The following PLXNA2 variants were observed in gnomAD, a reference collection of about 807,000 sequenced individuals.
PLXNA2 encodes plexin A2.
PLXNA2 carries 91 observed loss-of-function variants against 193.5 expected under a neutral mutation model. The ratio of observed to expected loss-of-function variants is 0.47; its 90% CI spans 0.40 to 0.56. The LOEUF (loss-of-function observed/expected upper bound fraction) is 0.56. PLXNA2 is among the 20% of genes least tolerant of loss of function. PLXNA2 has a pLI of 0.00. For missense variants in PLXNA2, 1,995 were observed against 2,503.2 expected (o/e 0.80, Z 4.33); for synonymous variants, 997 against 1,027.3 (o/e 0.97, Z 0.56).
At chr1:208,029,244 C>A in intron 29 of PLXNA2, 1 of 1,400,116 alleles carries the variant, frequency 7.1e-7, no homozygotes, top group Non-Finnish European at 9.3e-7. Flanking sequence ...GCACTTTGTA[C>A]CCTAATGGGG....
chr1:208,209,983 ATTTTTTTTTT>A (rs1553297870), intron 3 of PLXNA2: 1 of 87,322 alleles, frequency 1.1e-5, no homozygotes, highest in Admixed American at 1.6e-4. Context: ...ATGAAGAGCA[ATTTTTTTTTT>A]TTTTTTTTTT....
chr1:208,069,333 C>T (rs888486352), intron 12 of PLXNA2, among the ~76,000 whole-genome samples: 22 of 152,280 alleles, frequency 1.4e-4, no homozygotes, highest in Admixed American at 1.2e-3. Flanking sequence ...CCCAGGAGAG[C>T]GCCAGGGCAC....
At chr1:208,138,613 A>G (rs1668372167) in intron 4 of PLXNA2, among the ~76,000 whole-genome samples, 1 of 152,264 alleles carries the variant, frequency 6.6e-6, no homozygotes, top group African/African-American at 2.4e-5. Flanking sequence ...GACCGGGCGC[A>G]GTGGCGCACG....
In PLXNA2 at chr1:208,217,856, C is replaced by G. The variant is rs1485740986; in HGVS notation, c.67G>C (p.Val23Leu). ...VDSRSVVLLS[V>L]VWVLLAPPAA... ...GGGGGGGCCAGCAGCACCCAGACCA[C>G]TGAGAGCAGGACCACAGAGCGGCTG... Residue 23 changes from valine (V) to leucine (L), a missense_variant, in exon 2 of 32, where the codon GTG becomes CTG. Val to Leu is a conservative substitution (Grantham distance 32). This residue lies in a region of PLXNA2 where 702 missense variants were observed against 812.9 expected (regional missense o/e 0.86). Coordinates refer to ENST00000367033, the MANE Select transcript of PLXNA2 (RefSeq NM_025179.4). This position sits in a 1 kb window ranked among gnomAD's most constrained non-coding sequence, Gnocchi z 4.7. The G allele has an allele frequency of 1.2e-6, 2 of 1,613,860 alleles. No homozygotes were observed. The highest frequency in any genetic ancestry group is 1.7e-6 in the Non-Finnish European group (2 of 1,180,022).
At chr1:208,100,609 T>C (rs191158289) in intron 5 of PLXNA2, among the ~76,000 whole-genome samples, 1 of 152,350 alleles carries the variant, frequency 6.6e-6, no homozygotes, top group Admixed American at 6.5e-5. Context: ...GGTGGATTAA[T>C]GGCTATTTGA....
At chr1:208,095,932 A>G (rs1326680000) in intron 8 of PLXNA2, 97 bp downstream of exon 8, 2 of 898,446 alleles carry the variant, frequency 2.2e-6, no homozygotes, top group East Asian at 4.8e-5. Flanking sequence ...AGGTGACTAC[A>G]ACGTGGTTCC....
At position 208,243,755 on chromosome 1, in the gene PLXNA2, G is replaced by A. The variant is rs1406872810; in HGVS notation, c.-193C>T. On this transcript the variant is annotated 5_prime_UTR_variant, in exon 1 of 32. Transcript: ENST00000367033. ...TCCCTGCCCGCAGCTCGGAATCAGGGAGACGACCAAATCCACATGGAGTCC... is the reference window on the plus strand; with the variant it reads ...TCCCTGCCCGCAGCTCGGAATCAGGAAGACGACCAAATCCACATGGAGTCC... 6.6e-6 allele frequency: 1 copy of A among 152,294 alleles called. No homozygotes were observed. Among genetic ancestry groups the A allele is most frequent in the African/African-American group, 2.4e-5 (1 of 41,470 alleles). The allele number at this position is 152,294 out of a possible 1,614,324, so 9.4% of individuals were successfully genotyped here. A position where few individuals can be genotyped will look rare whatever the true frequency, so the allele number is the denominator to read the frequency against.
intron 4 of PLXNA2, among the ~76,000 whole-genome samples, chr1:208,139,794 T>C (rs1275248709): frequency 6.6e-6 from 1 of 152,154 alleles, no homozygotes; most frequent in Non-Finnish European, 1.5e-5. Flanking sequence ...TGTCTGTGAG[T>C]ACTTAACTCA....
intron 1 of PLXNA2, among the ~76,000 whole-genome samples, chr1:208,240,140 C>G (rs1671999468): frequency 6.6e-6 from 1 of 152,236 alleles, no homozygotes; most frequent in Admixed American, 6.5e-5. Context: ...TCCCCTTACA[C>G]TCTTACCCCG....
chr1:208,054,471 C>T lies in PLXNA2; in HGVS notation c.2806G>A (p.Glu936Lys), dbSNP rs770455227. The T allele has an allele frequency of 9.3e-6, 15 of 1,614,108 alleles. No individual in the cohort carries two copies. Among genetic ancestry groups the T allele is most frequent in the East Asian group, 2.2e-5 (1 of 44,896 alleles). ...TTCGTCATGAACTCTGGCTTACACT[C>T]GCCAATACACAGGCGTACTGGCCCG... ...TSGPVRLCIG[E>K]CKPEFMTKSH... The change falls in exon 14 of 32, where the codon GAG becomes AAG. Residue 936 changes from glutamate (E) to lysine (K), a missense_variant. By Grantham distance (56) the Glu-to-Lys change is moderately conservative. Transcript: ENST00000367033.
intron 4 of PLXNA2, among the ~76,000 whole-genome samples, chr1:208,114,182 C>T (rs1667571672): frequency 6.6e-6 from 1 of 152,198 alleles, no homozygotes; most frequent in African/African-American, 2.4e-5. Flanking sequence ...CTAGTTTTTG[C>T]CTCTTGGTCC....
chr1:208,079,144 T>G (rs2274445), intron 12 of PLXNA2, 116 bp downstream of exon 12: 3 of 876,184 alleles, frequency 3.4e-6, no homozygotes, highest in Non-Finnish European at 5.3e-6. Flanking sequence ...CCCCCCACAT[T>G]AAACTCACTG....
intron 3 of PLXNA2, among the ~76,000 whole-genome samples, chr1:208,143,396 T>G (rs1236236795): frequency 6.6e-6 from 1 of 152,208 alleles, no homozygotes; most frequent in Non-Finnish European, 1.5e-5. Flanking sequence ...GAATGTACAT[T>G]TCTAACAAAT....
chr1:208,118,080 C>T (rs758575493), intron 4 of PLXNA2, among the ~76,000 whole-genome samples: 15 of 152,220 alleles, frequency 9.9e-5, no homozygotes, highest in Non-Finnish European at 2.1e-4. Flanking sequence ...TATCTCCCAG[C>T]ACGTGGGTTG....
Position 208,028,212 on chromosome 1 carries a change from A to G in PLXNA2, c.5439-53T>C. The G allele has an allele frequency of 1.3e-6, 2 of 1,528,398 alleles. No individual in the cohort carries two copies. The highest frequency in any genetic ancestry group is 1.8e-6 in the Non-Finnish European group (2 of 1,132,368). 94.7% of individuals were successfully genotyped at this position (1,528,398 alleles called of 1,614,324 possible). ...TGGAGGCCTCAGCAAACATTTACCT[A>G]TAGCTACCCCGGGCCCAGGTCCTTC... is the stretch of plus-strand genomic sequence containing the variant. On this transcript the variant is annotated intron_variant, in intron 30 of 31. Coordinates refer to ENST00000367033, the MANE Select transcript of PLXNA2 (RefSeq NM_025179.4). The surrounding 1 kb of genome is among the most constrained non-coding windows in gnomAD (Gnocchi z 4.2).
chr1:208,083,242 A>G (rs1440236691), intron 10 of PLXNA2, among the ~76,000 whole-genome samples: 1 of 152,154 alleles, frequency 6.6e-6, no homozygotes, highest in Admixed American at 6.5e-5. Context: ...CCCTATCGTT[A>G]AAGTCCTCTA....
chr1:208,192,295 G>A (rs375217160), intron 3 of PLXNA2, among the ~76,000 whole-genome samples: 145 of 144,780 alleles, frequency 1.0e-3, no homozygotes, highest in African/African-American at 3.6e-3. Flanking sequence ...CATGGACACC[G>A]GGTTTGGGGA....
intron 3 of PLXNA2, among the ~76,000 whole-genome samples, chr1:208,168,473 A>G (rs1252790623): frequency 6.6e-6 from 1 of 152,194 alleles, no homozygotes; most frequent in Admixed American, 6.5e-5. Context: ...TACTGAATAA[A>G]TGAATGATAT....
intron 11 of PLXNA2, among the ~76,000 whole-genome samples, chr1:208,080,202 G>A (rs1264761338): frequency 3.9e-5 from 6 of 152,020 alleles, no homozygotes; most frequent in Admixed American, 3.9e-4. Context: ...GGGAAGCATT[G>A]CTGATTAAAA....
Sources: gnomAD v4.1 joint callset for allele counts (sites outside exome capture counted in the v4.1 genomes callset) on GRCh38, gnomAD v4.1.1 for gene constraint, gnomAD v4.1.1 regional missense constraint, Gnocchi (gnomAD v3.1) non-coding constraint, MANE v1.5 for transcripts, NCBI Gene and HGNC (gene_info 2026-07-23, HGNC 2026-07-21) for gene names.